CHRM3: variants seen among roughly 807,000 people sequenced by gnomAD.
The protein encoded by CHRM3 is muscarinic acetylcholine receptor M3.
A neutral mutation model predicts 41.8 loss-of-function variants in CHRM3; 11 were observed. The ratio of observed to expected loss-of-function variants is 0.26; its 90% CI spans 0.17 to 0.44. The LOEUF is 0.44. Ranked by LOEUF, CHRM3 falls within the 20% of genes least tolerant of loss-of-function variation. CHRM3 has a pLI of 1.00. For synonymous variants in CHRM3, 297 were observed against 301.4 expected (o/e 0.99, Z 0.15); for missense variants, 571 against 745.4 (o/e 0.77, Z 2.72).
At chr1:239,828,764 A>G (rs757089826) in intron 6 of CHRM3, among the ~76,000 whole-genome samples, 1 of 152,122 alleles carries the variant, frequency 6.6e-6, no homozygotes, top group Non-Finnish European at 1.5e-5. Context: ...AAAATGGAGG[A>G]TATCAGAGGG....
At chr1:239,487,846 G>T (rs1013938016) in intron 1 of CHRM3, among the ~76,000 whole-genome samples, 2 of 145,048 alleles carry the variant, frequency 1.4e-5, no homozygotes, top group East Asian at 4.0e-4. Flanking sequence ...AATATGCTTG[G>T]GTAATATTTG....
chr1:239,640,169 G>A (rs1670951065), intron 4 of CHRM3, among the ~76,000 whole-genome samples: 2 of 151,754 alleles, frequency 1.3e-5, no homozygotes, highest in Admixed American at 6.6e-5. Context: ...CGGTTTGCCA[G>A]TATTTTATTG....
intron 3 of CHRM3, among the ~76,000 whole-genome samples, chr1:239,552,661 TA>T (rs1659986860): frequency 1.4e-5 from 2 of 143,184 alleles, no homozygotes; most frequent in Non-Finnish European, 3.1e-5. Flanking sequence ...TTATTATTAT[TA>T]ATTATTTTTG....
chr1:239,898,284 G>GCGC (rs1679179817), intron 6 of CHRM3: 1 of 152,236 alleles, frequency 6.6e-6, no homozygotes, highest in Non-Finnish European at 1.5e-5. Context: ...AGCTGCTTCA[G>GCGC]CGCCTGCTGG....
At chr1:239,575,306 A>G (rs1475123008) in intron 3 of CHRM3, among the ~76,000 whole-genome samples, 3 of 152,164 alleles carry the variant, frequency 2.0e-5, no homozygotes, top group Non-Finnish European at 2.9e-5. Context: ...TTCCTCTTTC[A>G]GTTGAGCAGC....
At chr1:239,631,617 TGG>T (rs1463477460) in intron 3 of CHRM3, among the ~76,000 whole-genome samples, 1 of 152,172 alleles carries the variant, frequency 6.6e-6, no homozygotes, top group Non-Finnish European at 1.5e-5. Context: ...AACCTTCTAA[TGG>T]AGGTACTTTC....
chr1:239,645,258 C>G (rs564955721), intron 4 of CHRM3, among the ~76,000 whole-genome samples: 1 of 152,328 alleles, frequency 6.6e-6, no homozygotes, highest in African/African-American at 2.4e-5. Flanking sequence ...CTGCCAGACA[C>G]TGTAGTCTGA....
At chr1:239,405,984 C>T (rs943662844) in intron 1 of CHRM3, among the ~76,000 whole-genome samples, 11 of 152,194 alleles carry the variant, frequency 7.2e-5, no homozygotes, top group East Asian at 1.9e-4. Flanking sequence ...CTCCGCCTCC[C>T]GGGTTGAAGT....
chr1:239,673,207 T>A (rs1010537445), intron 4 of CHRM3, among the ~76,000 whole-genome samples: 4 of 152,140 alleles, frequency 2.6e-5, no homozygotes, highest in Non-Finnish European at 5.9e-5. Flanking sequence ...GTTCTTTTCT[T>A]TAGCTCCGTC....
chr1:239,408,731 G>A (rs1373587071), intron 1 of CHRM3, among the ~76,000 whole-genome samples: 1 of 151,700 alleles, frequency 6.6e-6, no homozygotes, highest in Non-Finnish European at 1.5e-5. Context: ...AGTGCAGCCT[G>A]ACCGCTCAGA....
chr1:239,800,905 ATT>A (rs34305932), intron 5 of CHRM3, among the ~76,000 whole-genome samples: 1 of 151,762 alleles, frequency 6.6e-6, no homozygotes, highest in Non-Finnish European at 1.5e-5. Context: ...AATGTAAGGG[ATT>A]TTTTTTTTCC....
chr1:239,802,498 G>A (rs1012812759), intron 5 of CHRM3, among the ~76,000 whole-genome samples: 6 of 152,180 alleles, frequency 3.9e-5, no homozygotes, highest in Non-Finnish European at 7.3e-5. Flanking sequence ...GCCCTCTGTT[G>A]TCCAACAGCA....
chr1:239,429,783 GTT>G (rs58638166), intron 1 of CHRM3, among the ~76,000 whole-genome samples: 64 of 132,868 alleles, frequency 4.8e-4, no homozygotes, highest in African/African-American at 1.3e-3. Flanking sequence ...CTCGTAGGGA[GTT>G]TTTTTTTTTT....
chr1:239,674,697 G>A (rs1436502569), intron 4 of CHRM3, among the ~76,000 whole-genome samples: 1 of 117,072 alleles, frequency 8.5e-6, no homozygotes, highest in African/African-American at 3.3e-5. Flanking sequence ...GCGACAGACT[G>A]AGACTCCATC....
At chr1:239,569,323 C>T (rs1422270306) in intron 3 of CHRM3, among the ~76,000 whole-genome samples, 1 of 152,124 alleles carries the variant, frequency 6.6e-6, no homozygotes, top group African/African-American at 2.4e-5. Flanking sequence ...TCTAAAGATA[C>T]AAGTCTTCTA....
chr1:239,783,491 T>C (rs2148816330), intron 5 of CHRM3, among the ~76,000 whole-genome samples: 1 of 152,168 alleles, frequency 6.6e-6, no homozygotes, highest in South Asian at 2.1e-4. Flanking sequence ...AGGATTTATA[T>C]AAAACATGCA....
intron 5 of CHRM3, among the ~76,000 whole-genome samples, chr1:239,750,205 G>A (rs1665694392): frequency 6.6e-6 from 1 of 152,040 alleles, no homozygotes; most frequent in South Asian, 2.1e-4. Flanking sequence ...TGGGCCGGCT[G>A]GCAGATGATT....
At chr1:239,551,510 A>G (rs917662169) in intron 3 of CHRM3, among the ~76,000 whole-genome samples, 7 of 132,396 alleles carry the variant, frequency 5.3e-5, no homozygotes, top group African/African-American at 1.5e-4. Context: ...AAATAGAGCA[A>G]AAAATAACTG....
At chr1:239,433,470 T>C (rs1465919295) in intron 1 of CHRM3, among the ~76,000 whole-genome samples, 1 of 152,238 alleles carries the variant, frequency 6.6e-6, no homozygotes, top group East Asian at 1.9e-4. Flanking sequence ...TTTTCTTTTT[T>C]TATTTGCATA....
Sources: allele counts gnomAD v4.1 joint callset (sites outside exome capture counted in the v4.1 genomes callset), GRCh38; gene constraint gnomAD v4.1.1; transcripts MANE v1.5; gene names NCBI Gene and HGNC (gene_info 2026-07-23, HGNC 2026-07-21).